AFG1L: variants seen among roughly 807,000 people sequenced by gnomAD.
AFG1L encodes the protein AFG1 like ATPase.
In AFG1L, 53 loss-of-function variants were observed where a neutral mutation model predicts 62.2. That is an observed-to-expected ratio of 0.85 (90% CI 0.68 to 1.07). The LOEUF (loss-of-function observed/expected upper bound fraction) is 1.07, where lower values mean the gene tolerates loss of function less well. Among genes scored for constraint, AFG1L ranks in the 50% least tolerant of loss-of-function variants. The pLI is 0.00. For synonymous variants in AFG1L, 228 were observed against 210.3 expected (o/e 1.08, Z -0.73); for missense variants, 555 against 590.5 (o/e 0.94, Z 0.62).
chr6:108,324,920 T>C (rs940952691), intron 2 of AFG1L, among the ~76,000 whole-genome samples: 1 of 152,204 alleles, frequency 6.6e-6, no homozygotes, highest in Non-Finnish European at 1.5e-5. Flanking sequence ...CTTGAACTCC[T>C]GACCTCAAGT....
At chr6:108,358,540 T>C (rs1463833093) in intron 5 of AFG1L, among the ~76,000 whole-genome samples, 1 of 152,208 alleles carries the variant, frequency 6.6e-6, no homozygotes, top group African/African-American at 2.4e-5. Flanking sequence ...TTTTTATTTT[T>C]ATTTTTTTTG....
At chr6:108,335,299 G>A (rs752883223) in intron 2 of AFG1L, among the ~76,000 whole-genome samples, 5 of 152,244 alleles carry the variant, frequency 3.3e-5, no homozygotes, top group East Asian at 1.9e-4. Flanking sequence ...TTCTGGGCCT[G>A]AAGATCCCAG....
At chr6:108,375,567 C>A (rs1444227286) in intron 6 of AFG1L, among the ~76,000 whole-genome samples, 1 of 152,142 alleles carries the variant, frequency 6.6e-6, no homozygotes, top group Non-Finnish European at 1.5e-5. Context: ...ACTTTTTCTG[C>A]ATCTATTGAG....
chr6:108,387,770 A>T (rs1056608405), intron 6 of AFG1L: 3 of 152,214 alleles, frequency 2.0e-5, no homozygotes, highest in Non-Finnish European at 4.4e-5. Flanking sequence ...ATCTAATTTT[A>T]TAGTTGACAA....
At chr6:108,324,295 A>G (rs560001013) in intron 2 of AFG1L, among the ~76,000 whole-genome samples, 4 of 152,330 alleles carry the variant, frequency 2.6e-5, no homozygotes, top group East Asian at 3.9e-4. Context: ...AAAAACTTCT[A>G]TGGAAATTAA....
chr6:108,511,416 G>T (rs1034375009), intron 11 of AFG1L, among the ~76,000 whole-genome samples: 1 of 152,118 alleles, frequency 6.6e-6, no homozygotes, highest in African/African-American at 2.4e-5. Context: ...TGGGCCCTGG[G>T]GTCAGGCTGT....
At chr6:108,501,134 C>T (rs1054832057) in intron 10 of AFG1L, among the ~76,000 whole-genome samples, 3 of 152,160 alleles carry the variant, frequency 2.0e-5, no homozygotes, top group Non-Finnish European at 4.4e-5. Flanking sequence ...GCTGAAATTA[C>T]AGGCACGCAC....
intron 8 of AFG1L, among the ~76,000 whole-genome samples, chr6:108,472,332 G>A (rs1369701890): frequency 6.6e-6 from 1 of 152,120 alleles, no homozygotes; most frequent in Non-Finnish European, 1.5e-5. Flanking sequence ...GTTGAAAATA[G>A]TGTATTGTAT....
At chr6:108,327,830 A>G (rs1333962467) in intron 2 of AFG1L, among the ~76,000 whole-genome samples, 2 of 152,202 alleles carry the variant, frequency 1.3e-5, no homozygotes, top group East Asian at 1.9e-4. Flanking sequence ...TAAGGATCTC[A>G]TAGGCCAACC....
At chr6:108,335,950 T>C (rs528086946) in intron 2 of AFG1L, among the ~76,000 whole-genome samples, 44 of 152,328 alleles carry the variant, frequency 2.9e-4, no homozygotes, top group African/African-American at 9.6e-4. Flanking sequence ...CCCCAACTTA[T>C]TTAGATACTT....
chr6:108,515,174 C>T (rs950105310), intron 11 of AFG1L, among the ~76,000 whole-genome samples: 4 of 152,190 alleles, frequency 2.6e-5, no homozygotes, highest in African/African-American at 9.7e-5. Flanking sequence ...GAACTCTCCA[C>T]CCCAGATCAA....
Position 108,524,859 on chromosome 6 carries a change from C to T in AFG1L, c.*2434C>T, listed in dbSNP as rs2114928550. 1 of 152,276 alleles carries T rather than the reference C, an allele frequency of 6.6e-6. No homozygotes were observed. Among genetic ancestry groups the T allele is most frequent in the Middle Eastern group, 3.4e-3 (1 of 294 alleles). 9.4% of individuals were successfully genotyped at this position (152,276 alleles called of 1,614,324 possible). A position where few individuals can be genotyped will look rare whatever the true frequency, so the allele number is the denominator to read the frequency against. On this transcript the variant is annotated 3_prime_UTR_variant, in exon 13 of 13. Transcript: ENST00000368977. ...CCCAAGTCTTCAAGAATAGCCATCA[C>T]TAGGAAACAGTATGGTAGCTCTACT...
chr6:108,393,967 CAA>C (rs1381458502), intron 6 of AFG1L, among the ~76,000 whole-genome samples: 1 of 150,262 alleles, frequency 6.7e-6, no homozygotes, highest in Non-Finnish European at 1.5e-5. Context: ...TCCATCACCC[CAA>C]AAAGTTTCCT....
At chr6:108,389,872 C>T (rs1360081198) in intron 6 of AFG1L, among the ~76,000 whole-genome samples, 2 of 152,054 alleles carry the variant, frequency 1.3e-5, no homozygotes, top group African/African-American at 2.4e-5. Context: ...TTGTTTTTCT[C>T]GAGGAGTATC....
chr6:108,414,854 C>T (rs1370915494), intron 7 of AFG1L, among the ~76,000 whole-genome samples: 1 of 152,124 alleles, frequency 6.6e-6, no homozygotes, highest in African/African-American at 2.4e-5. Flanking sequence ...CCTTTGAAAA[C>T]TGGCACAAGA....
At chr6:108,479,996 A>C (rs1773267167) in intron 10 of AFG1L, among the ~76,000 whole-genome samples, 1 of 152,222 alleles carries the variant, frequency 6.6e-6, no homozygotes, top group Non-Finnish European at 1.5e-5. Flanking sequence ...TGTCTTGATA[A>C]GGTAAAAGAA....
chr6:108,458,856 A>T (rs530879483), intron 8 of AFG1L, among the ~76,000 whole-genome samples: 1 of 150,536 alleles, frequency 6.6e-6, no homozygotes, highest in Non-Finnish European at 1.5e-5. Context: ...CGGGTACTGG[A>T]GTTTTTTGTA....
At chr6:108,318,261 GA>G in intron 1 of AFG1L, 10 of 318,700 alleles carry the variant, frequency 3.1e-5, no homozygotes, top group South Asian at 9.5e-5. Flanking sequence ...TGATTTTCCA[GA>G]AAAAGGCTAA....
Position 108,458,540 on chromosome 6 carries a change from C to G in AFG1L, c.890+11244C>G, listed in dbSNP as rs192657959. On this transcript the variant is annotated intron_variant, in intron 8 of 12. Coordinates refer to ENST00000368977, the MANE Select transcript of AFG1L (RefSeq NM_145315.5). ...ATGTTGCCCAGGCTGGTCTTGAACT[C>G]CTGGACTCAAGAGATTCTCCCCCCT... Among the ~76,000 whole-genome samples the G allele has an allele frequency of 3.4e-4, 51 of 152,168 alleles. No homozygotes were observed. In the East Asian group the frequency reaches 9.4e-3, roughly 28 times the overall value.
Sources: allele counts gnomAD v4.1 joint callset (sites outside exome capture counted in the v4.1 genomes callset), GRCh38; gene constraint gnomAD v4.1.1; transcripts MANE v1.5; gene names NCBI Gene and HGNC (gene_info 2026-07-23, HGNC 2026-07-21).